SLC2A4: variants seen among roughly 807,000 people sequenced by gnomAD.
SLC2A4 encodes the protein solute carrier family 2 member 4.
Under a neutral mutation model 53.3 loss-of-function variants are expected in SLC2A4, and 31 were observed. The ratio of observed to expected loss-of-function variants is 0.58; its 90% CI spans 0.44 to 0.78. SLC2A4 has a LOEUF of 0.78. Among genes scored for constraint, SLC2A4 ranks in the 30% least tolerant of loss-of-function variants. The probability of loss-of-function intolerance (pLI) is 0.00; values close to 1 mark genes in which losing one functional copy is unlikely to be tolerated. For missense variants in SLC2A4, 538 were observed against 655.7 expected (o/e 0.82, Z 1.96); for synonymous variants, 276 against 281.9 (o/e 0.98, Z 0.21).
chr17:7,285,604 G>A lies in SLC2A4; in HGVS notation c.1123-101G>A. ...ACCCGGGACAGCAGGCCCCCTACAA[G>A]CTGCTGCGGAGGGGGTTAGGTTTCA... On this transcript the variant is annotated intron_variant, in intron 9 of 10. Coordinates refer to ENST00000317370, the MANE Select transcript of SLC2A4 (RefSeq NM_001042.3). The surrounding 1 kb of genome is among the most constrained non-coding windows in gnomAD (Gnocchi z 6.0). 8.8e-7 allele frequency: 1 copy of A among 1,140,760 alleles called. No individual in the cohort carries two copies. Among genetic ancestry groups the A allele is most frequent in the Admixed American group, 1.9e-5 (1 of 52,514 alleles). 70.7% of individuals were successfully genotyped at this position (1,140,760 alleles called of 1,614,324 possible).
rs765754656 is a variant in SLC2A4 at position 7,281,962 on chromosome 17, T to C, written c.28T>C (p.Ser10Pro). Residue 10 changes from serine (S) to proline (P), a missense_variant, in exon 1 of 11, where the codon TCC becomes CCC. Transcript: ENST00000317370. ...GCCGTCGGGCTTCCAACAGATAGGC[T>C]CCGAAGTAGGATTCATCATGAGGGG... MPSGFQQIGSEDGEPPQQRV... is the reference protein window; with the variant it reads MPSGFQQIGPEDGEPPQQRV... 4.1e-5 allele frequency: 35 copies of C among 863,848 alleles called. No homozygotes were observed. In the South Asian group the frequency reaches 4.6e-4, roughly 11 times the overall value. The allele number at this position is 863,848 out of a possible 1,614,324, so 53.5% of individuals were successfully genotyped here.
rs1272753727 is a variant in SLC2A4 at position 7,286,408 on chromosome 17, T to C, written c.1327-18T>C. ...CCCCACCTCACTCCGTCAACACCTC[T>C]TTCTCCACCTGTCCCAGGAGGCTAT... On this transcript the variant is annotated intron_variant, in intron 10 of 10. Transcript: ENST00000317370. 10 of 1,611,942 alleles carry C rather than the reference T, an allele frequency of 6.2e-6. No individual in the cohort carries two copies. The African/African-American group carries it at 8.0e-5, about 13-fold the overall frequency.
At position 7,282,001 on chromosome 17, in the gene SLC2A4, G is replaced by GGGGGGGGGC; in HGVS notation, c.33+34_33+35insGGGGGGGGC. 1 of 535,042 alleles carries GGGGGGGGGC rather than the reference G, an allele frequency of 1.9e-6. No individual in the cohort carries two copies. The highest frequency in any genetic ancestry group is 3.7e-6 in the Non-Finnish European group (1 of 269,464). The allele number at this position is 535,042 out of a possible 1,614,324, so 33.1% of individuals were successfully genotyped here. A position where few individuals can be genotyped will look rare whatever the true frequency, so the allele number is the denominator to read the frequency against. The stretch of plus-strand genomic sequence containing the variant: ...CATCATGAGGGGGCGGGGCGGGGGG[G>GGGGGGGGGC]CACGGGTCCCGCTTTTCTTGGGCTG... On this transcript the variant is annotated intron_variant, in intron 1 of 10. Coordinates refer to ENST00000317370, the MANE Select transcript of SLC2A4 (RefSeq NM_001042.3). This position sits in a 1 kb window ranked among gnomAD's most constrained non-coding sequence, Gnocchi z 4.1.
Position 7,285,868 on chromosome 17 carries a change from C to T in SLC2A4, c.1286C>T (p.Thr429Met), listed in dbSNP as rs761033189. The T allele has an allele frequency of 7.4e-6, 12 of 1,614,160 alleles. No homozygotes were observed. Among genetic ancestry groups the T allele is most frequent in the South Asian group, 3.3e-5 (3 of 91,086 alleles). ...GCTGTGGCTGGTTTCTCCAACTGGACGAGCAACTTCATCATTGGCATGGGT... is the reference window on the plus strand; with the variant it reads ...GCTGTGGCTGGTTTCTCCAACTGGATGAGCAACTTCATCATTGGCATGGGT... ...AMAVAGFSNW[T>M]SNFIIGMGFQ... The change falls in exon 10 of 11, where the codon ACG becomes ATG. Residue 429 changes from threonine to methionine, a missense_variant. Coordinates refer to ENST00000317370, the MANE Select transcript of SLC2A4 (RefSeq NM_001042.3). This position sits in a 1 kb window ranked among gnomAD's most constrained non-coding sequence, Gnocchi z 6.0.
At position 7,284,911 on chromosome 17, in the gene SLC2A4, T is replaced by C. The variant is rs1429456544; in HGVS notation, c.992T>C (p.Val331Ala). ...GCCTATGCCACCATAGGAGCTGGTGTGGTCAACACAGTCTTCACCTTGGTC... is the reference window on the plus strand; with the variant it reads ...GCCTATGCCACCATAGGAGCTGGTGCGGTCAACACAGTCTTCACCTTGGTC... ...QPAYATIGAG[V>A]VNTVFTLVSV... Residue 331 changes from valine to alanine, a missense_variant, in exon 8 of 11, where the codon GTG becomes GCG. Physicochemically the swap from Val to Ala is moderately conservative, Grantham distance 64. Transcript: ENST00000317370. The surrounding 1 kb of genome is among the most constrained non-coding windows in gnomAD (Gnocchi z 7.5). The C allele has an allele frequency of 6.2e-7, 1 of 1,614,066 alleles. No homozygotes were observed. The highest frequency in any genetic ancestry group is 8.5e-7 in the Non-Finnish European group (1 of 1,180,038).
At position 7,281,959 on chromosome 17, in the gene SLC2A4, G is replaced by A; in HGVS notation, c.25G>A (p.Gly9Ser). The change falls in exon 1 of 11, where the codon GGC becomes AGC. Residue 9 changes from glycine (G) to serine (S), a missense_variant. Gly to Ser is a moderately conservative substitution (Grantham distance 56). Coordinates refer to ENST00000317370, the MANE Select transcript of SLC2A4 (RefSeq NM_001042.3). MPSGFQQI[G>S]SEDGEPPQQR... is the part of the protein sequence containing the mutation. ...GATGCCGTCGGGCTTCCAACAGATA[G>A]GCTCCGAAGTAGGATTCATCATGAG... 1 of 1,586,236 alleles carries A rather than the reference G, an allele frequency of 6.3e-7. No individual in the cohort carries two copies. The highest frequency in any genetic ancestry group is 1.3e-5 in the African/African-American group (1 of 74,380).
Position 7,284,262 on chromosome 17 carries a change from C to T in SLC2A4, c.610C>T (p.Leu204=). The part of the protein sequence containing the change: ...SLLGTASLWP[L]LLGLTVLPAL... Reference sequence around the variant, plus strand: ...CCTGGGCACTGCCAGCCTGTGGCCACTGCTCCTGGGCCTCACAGTGCTACC... The same window carrying T: ...CCTGGGCACTGCCAGCCTGTGGCCATTGCTCCTGGGCCTCACAGTGCTACC... The change falls in exon 6 of 11, where the codon CTG becomes TTG. Residue 204 remains leucine (L), a synonymous_variant. Coordinates refer to ENST00000317370, the MANE Select transcript of SLC2A4 (RefSeq NM_001042.3). The surrounding 1 kb of genome is among the most constrained non-coding windows in gnomAD (Gnocchi z 7.5). 1 of 1,613,896 alleles carries T rather than the reference C, an allele frequency of 6.2e-7. No individual in the cohort carries two copies. The highest frequency in any genetic ancestry group is 1.1e-5 in the South Asian group (1 of 91,090).
Position 7,283,352 on chromosome 17 carries a change from C to T in SLC2A4, c.141C>T (p.Ala47=). The T allele has an allele frequency of 1.2e-6, 2 of 1,613,248 alleles. No homozygotes were observed. Among genetic ancestry groups the T allele is most frequent in the Non-Finnish European group, 1.7e-6 (2 of 1,179,476 alleles). Residue 47 remains alanine (A), a synonymous_variant, in exon 2 of 11, where the codon GCC becomes GCT. Transcript: ENST00000317370. This position sits in a 1 kb window ranked among gnomAD's most constrained non-coding sequence, Gnocchi z 5.8. ...GGTACAACATTGGGGTCATCAATGC[C>T]CCTCAGAAGGTGAGGGCCTGCAGCT... ...QFGYNIGVIN[A]PQKVIEQSYN...
Sources: allele counts gnomAD v4.1 joint callset, GRCh38; gene constraint gnomAD v4.1.1; non-coding constraint Gnocchi (gnomAD v3.1); transcripts MANE v1.5; gene names NCBI Gene and HGNC (gene_info 2026-07-23, HGNC 2026-07-21).